VGLL4: variants seen among roughly 807,000 people sequenced by gnomAD.
VGLL4 encodes vestigial like family member 4.
Under a neutral mutation model 21.0 loss-of-function variants are expected in VGLL4, and 7 were observed. That is an observed-to-expected ratio of 0.33 (90% CI 0.19 to 0.63). The LOEUF is 0.63. Among genes scored for constraint, VGLL4 ranks in the 20% least tolerant of loss-of-function variants. VGLL4 has a pLI of 0.78. For missense variants in VGLL4, 394 were observed against 425.7 expected (o/e 0.93, Z 0.66); for synonymous variants, 222 against 173.2 (o/e 1.28, Z -2.21).
chr3:11,591,763 C>A (rs2074504125), intron 2 of VGLL4, among the ~76,000 whole-genome samples: 1 of 152,234 alleles, frequency 6.6e-6, no homozygotes, highest in Non-Finnish European at 1.5e-5. Context: ...AGCAGCTCTG[C>A]TTCCACCTCA....
intron 2 of VGLL4, among the ~76,000 whole-genome samples, chr3:11,667,616 A>C (rs998874654): frequency 6.6e-6 from 1 of 152,170 alleles, no homozygotes; most frequent in African/African-American, 2.4e-5. Flanking sequence ...AAAGGCCTCA[A>C]TAAACATTTG....
chr3:11,708,408 G>A (rs2076791876), intron 1 of VGLL4, among the ~76,000 whole-genome samples: 1 of 152,230 alleles, frequency 6.6e-6, no homozygotes, highest in African/African-American at 2.4e-5. Context: ...GTGGGAGACA[G>A]CAGCACATGC....
rs1391659828 is a variant in VGLL4, at chr3:11,569,813, G to A, written c.273-4794C>T. On this transcript the variant is annotated intron_variant, in intron 2 of 4. Transcript: ENST00000430365. ...GGAGGATCACCTGGGCCCAGGAGGT[G>A]GAGGCTACAGTGAGCCATGGTCACG... Among the ~76,000 whole-genome samples, 9 of 152,150 alleles carry A rather than the reference G, an allele frequency of 5.9e-5. No homozygotes were observed. The East Asian group carries it at 1.7e-3, about 29-fold the overall frequency.
At chr3:11,652,483 G>A (rs1489356270) in intron 2 of VGLL4, among the ~76,000 whole-genome samples, 3 of 152,188 alleles carry the variant, frequency 2.0e-5, no homozygotes, top group Non-Finnish European at 2.9e-5. Context: ...GCAGTGGCGC[G>A]ATGTCTGCTC....
chr3:11,666,585 T>C (rs1052148516), intron 2 of VGLL4, among the ~76,000 whole-genome samples: 1 of 152,132 alleles, frequency 6.6e-6, no homozygotes, highest in Non-Finnish European at 1.5e-5. Context: ...ACAAACAGAA[T>C]TTGCTAGCAG....
At chr3:11,589,475 T>C (rs960792595) in intron 2 of VGLL4, among the ~76,000 whole-genome samples, 1 of 152,176 alleles carries the variant, frequency 6.6e-6, no homozygotes, top group Non-Finnish European at 1.5e-5. Flanking sequence ...ACCAGAGCCT[T>C]GCAAGTCTGA....
At chr3:11,611,662 T>C (rs2075065850) in intron 1 of VGLL4, 1 of 152,168 alleles carries the variant, frequency 6.6e-6, no homozygotes, top group African/African-American at 2.4e-5. Flanking sequence ...CAACTGAACG[T>C]ACAGATGCCG....
At chr3:11,619,631 G>A (rs2075227410) in intron 1 of VGLL4, among the ~76,000 whole-genome samples, 3 of 152,164 alleles carry the variant, frequency 2.0e-5, no homozygotes, top group African/African-American at 7.2e-5. Context: ...TTTGGGGTTA[G>A]AGCTGGTCTA....
intron 2 of VGLL4, among the ~76,000 whole-genome samples, chr3:11,666,486 A>G (rs1295649894): frequency 6.6e-6 from 1 of 152,216 alleles, no homozygotes. Flanking sequence ...AGATGGAGTT[A>G]GAAACGGGAA....
intron 2 of VGLL4, among the ~76,000 whole-genome samples, chr3:11,581,310 G>C (rs1327157026): frequency 3.3e-5 from 5 of 152,134 alleles, no homozygotes; most frequent in Non-Finnish European, 7.4e-5. Context: ...CAGGTGATCT[G>C]CCTGCCTCGG....
upstream of VGLL4, among the ~76,000 whole-genome samples, chr3:11,647,616 T>G (rs1237506369): frequency 6.6e-6 from 1 of 152,192 alleles, no homozygotes; most frequent in Non-Finnish European, 1.5e-5. Flanking sequence ...TCAACACTGT[T>G]CAGATTTTGG....
At chr3:11,558,920 G>A (rs552416606) in intron 4 of VGLL4, 93 bp from the exon 5 acceptor site, 37 of 1,451,018 alleles carry the variant, frequency 2.5e-5, no homozygotes, top group East Asian at 9.6e-5. Flanking sequence ...GCCCAGAGCC[G>A]GACTGGCTGC....
In VGLL4 at chr3:11,694,426, C is replaced by T. The variant is rs184790879; in HGVS notation, c.64+8545G>A. ...ACTTGAGGTTAGGAGTTCAAGACCACCCTGGCCAACATGGTGAAACCCTGT... is the reference window on the plus strand; with the variant it reads ...ACTTGAGGTTAGGAGTTCAAGACCATCCTGGCCAACATGGTGAAACCCTGT... On this transcript the variant is annotated intron_variant, in intron 2 of 5. Transcript: ENST00000273038. Among the ~76,000 whole-genome samples, 13 of 152,084 alleles carry T rather than the reference C, an allele frequency of 8.5e-5. No individual in the cohort carries two copies. The East Asian group carries it at 2.5e-3, about 29-fold the overall frequency.
At chr3:11,582,002 G>C (rs959969024) in intron 2 of VGLL4, among the ~76,000 whole-genome samples, 1 of 152,150 alleles carries the variant, frequency 6.6e-6, no homozygotes, top group Non-Finnish European at 1.5e-5. Flanking sequence ...GCTACTGCAG[G>C]CAGCCATGCT....
At chr3:11,561,420 T>C (rs964211580) in intron 3 of VGLL4, among the ~76,000 whole-genome samples, 4 of 152,122 alleles carry the variant, frequency 2.6e-5, no homozygotes, top group African/African-American at 7.2e-5. Context: ...CTGGGGCGAA[T>C]TGCCTTAACC....
In VGLL4 at chr3:11,598,976, T is replaced by C. The variant is rs181664471; in HGVS notation, c.272+2857A>G. On this transcript the variant is annotated intron_variant, in intron 2 of 4. Transcript: ENST00000430365. ...TTTTCAAATAATTATGAATCTGTCA[T>C]TTATTGCAGATAACTTCTTAGGCAT... Among the ~76,000 whole-genome samples, 675 of 152,338 alleles carry C rather than the reference T, an allele frequency of 4.4e-3. 2 individuals carry two copies. Among genetic ancestry groups the C allele is most frequent in the Middle Eastern group, 0.014 (4 of 294 alleles).
intron 1 of VGLL4, among the ~76,000 whole-genome samples, chr3:11,615,933 G>A (rs920916093): frequency 2.6e-5 from 4 of 152,180 alleles, no homozygotes; most frequent in Admixed American, 2.0e-4. Context: ...AAGCTATTAG[G>A]CCAATCTGCA....
At chr3:11,575,360 A>T (rs1423595136) in intron 2 of VGLL4, among the ~76,000 whole-genome samples, 2 of 152,194 alleles carry the variant, frequency 1.3e-5, no homozygotes, top group Non-Finnish European at 2.9e-5. Flanking sequence ...ACAGTCATTA[A>T]ATCAGCATAG....
intron 2 of VGLL4, among the ~76,000 whole-genome samples, chr3:11,652,523 C>T (rs2075889845): frequency 2.0e-5 from 3 of 152,228 alleles, no homozygotes; most frequent in East Asian, 1.9e-4. Flanking sequence ...CGGGTTCAAG[C>T]GATTCTCCTG....
Sources: gnomAD v4.1 joint callset for allele counts (sites outside exome capture counted in the v4.1 genomes callset) on GRCh38, gnomAD v4.1.1 for gene constraint, MANE v1.5 for transcripts, NCBI Gene and HGNC (gene_info 2026-07-23, HGNC 2026-07-21) for gene names.